Variants in FAM219A observed in about 807,000 individuals in gnomAD.
FAM219A encodes the protein family with sequence similarity 219 member A.
A neutral mutation model predicts 23.4 loss-of-function variants in FAM219A; 7 were observed. The observed-to-expected ratio is 0.30, with a 90% CI of 0.17 to 0.56. The LOEUF (loss-of-function observed/expected upper bound fraction) is 0.56, where lower values mean the gene tolerates loss of function less well. Among genes scored for constraint, FAM219A ranks in the 20% least tolerant of loss-of-function variants. FAM219A has a pLI of 0.92. For synonymous variants in FAM219A, 93 were observed against 99.0 expected (o/e 0.94, Z 0.36); for missense variants, 166 against 246.9 (o/e 0.67, Z 2.20).
intron 1 of FAM219A, among the ~76,000 whole-genome samples, chr9:34,423,954 G>A (rs561296784): frequency 3.9e-5 from 6 of 152,150 alleles, no homozygotes; most frequent in Admixed American, 6.5e-5. Flanking sequence ...AGTAAGGCTT[G>A]TGGTTTTGTT....
At chr9:34,401,245 G>A (rs906426410) in intron 5 of FAM219A, 123 bp from the exon 6 acceptor site, 1 of 1,233,610 alleles carries the variant, frequency 8.1e-7, no homozygotes, top group Admixed American at 2.1e-5. Context: ...GCCCCGCCCT[G>A]TCCCGGGTCT....
rs115479567 is a variant in FAM219A at position 34,413,409 on chromosome 9, G to A, written c.61-7445C>T. 5.5e-3 allele frequency among the ~76,000 whole-genome samples: 835 copies of A among 152,256 alleles called. 7 individuals carry two copies. Among genetic ancestry groups the A allele is most frequent in the African/African-American group, 0.019 (778 of 41,528 alleles). ...TGTCACCCAGCCATGATCCAGTCCC[G>A]AGGATGAAAGGCGCTCTCCGTGGTG... On this transcript the variant is annotated intron_variant, in intron 1 of 5. Transcript: ENST00000651358.
chr9:34,456,202 GA>G (rs1038126486), intron 1 of FAM219A, among the ~76,000 whole-genome samples: 3 of 151,614 alleles, frequency 2.0e-5, no homozygotes, highest in East Asian at 1.9e-4. Context: ...CAAAAAAAAA[GA>G]AAAAAAAGTA....
intron 1 of FAM219A, among the ~76,000 whole-genome samples, chr9:34,419,132 TTTATG>T (rs2131959080): frequency 6.6e-6 from 1 of 152,262 alleles, no homozygotes; most frequent in South Asian, 2.1e-4. Context: ...AATGGTAACT[TTTATG>T]TTATGCATAT....
intron 1 of FAM219A, among the ~76,000 whole-genome samples, chr9:34,447,472 C>T (rs1466830924): frequency 1.3e-5 from 2 of 152,148 alleles, no homozygotes; most frequent in African/African-American, 4.8e-5. Flanking sequence ...ACTAGGGCAG[C>T]TAGGATGACT....
chr9:34,420,115 CT>C (rs1440019461), intron 1 of FAM219A, among the ~76,000 whole-genome samples: 6 of 152,164 alleles, frequency 3.9e-5, no homozygotes, highest in Admixed American at 3.3e-4. Context: ...TTGTTCAGAA[CT>C]TTGATAATCA....
chr9:34,450,534 T>C (rs1588076531), intron 1 of FAM219A, among the ~76,000 whole-genome samples: 1 of 152,114 alleles, frequency 6.6e-6, no homozygotes, highest in East Asian at 1.9e-4. Flanking sequence ...ATTTTCTGCC[T>C]CAGCCTCCCG....
At chr9:34,449,261 G>A (rs1182895777) in intron 1 of FAM219A, among the ~76,000 whole-genome samples, 2 of 152,108 alleles carry the variant, frequency 1.3e-5, no homozygotes, top group Non-Finnish European at 2.9e-5. Context: ...ACCTGAGCTG[G>A]GGAAGGTCAA....
At chr9:34,449,657 C>G (rs1415780092) in intron 1 of FAM219A, among the ~76,000 whole-genome samples, 1 of 152,194 alleles carries the variant, frequency 6.6e-6, no homozygotes, top group Non-Finnish European at 1.5e-5. Flanking sequence ...AATTTCTAAG[C>G]TAAAGTTTTC....
At chr9:34,419,274 AC>A (rs1485834260) in intron 1 of FAM219A, among the ~76,000 whole-genome samples, 1 of 151,678 alleles carries the variant, frequency 6.6e-6, no homozygotes, top group Non-Finnish European at 1.5e-5. Flanking sequence ...GACAACACAG[AC>A]TTTTGGGGAT....
intron 1 of FAM219A, among the ~76,000 whole-genome samples, chr9:34,438,905 A>G (rs1823047366): frequency 6.6e-6 from 1 of 152,254 alleles, no homozygotes; most frequent in Non-Finnish European, 1.5e-5. Flanking sequence ...GCTCTTTGCA[A>G]TAAATCTTGC....
chr9:34,424,686 C>G (rs1472750635), intron 1 of FAM219A, among the ~76,000 whole-genome samples: 4 of 152,208 alleles, frequency 2.6e-5, no homozygotes, highest in Non-Finnish European at 5.9e-5. Context: ...ATCCAGAACA[C>G]AGAGAGGAGC....
At chr9:34,406,318 G>A in intron 1 of FAM219A, 2 of 985,384 alleles carry the variant, frequency 2.0e-6, no homozygotes, top group African/African-American at 1.7e-5. Context: ...GGCCCTTCCT[G>A]TGTACTTGCT....
Position 34,398,236 on chromosome 9 carries a change from A to G in FAM219A, c.*2728T>C. On this transcript the variant is annotated 3_prime_UTR_variant, in exon 6 of 6. Coordinates refer to ENST00000651358, the MANE Select transcript of FAM219A (RefSeq NM_001184940.2). ...TATTTGTGTTACACGATACACAACCAAGGATGATGGTCAATACTGCAATGA... is the reference window on the plus strand; with the variant it reads ...TATTTGTGTTACACGATACACAACCGAGGATGATGGTCAATACTGCAATGA... 1.9e-6 allele frequency: 3 copies of G among 1,541,928 alleles called. No individual in the cohort carries two copies. The highest frequency in any genetic ancestry group is 2.4e-5 in the East Asian group (1 of 40,862).
rs1321620442 is a variant in FAM219A, at chr9:34,398,320, A to G, written c.*2644T>C. 1.9e-6 allele frequency: 3 copies of G among 1,550,792 alleles called. No homozygotes were observed. Among genetic ancestry groups the G allele is most frequent in the Non-Finnish European group, 2.6e-6 (3 of 1,147,050 alleles). ...TCTTCCACACACCTTCCTGGAAATA[A>G]ATTAGTGAGCACGGAGAAACCTGGC... On this transcript the variant is annotated 3_prime_UTR_variant, in exon 6 of 6. Transcript: ENST00000651358.
chr9:34,449,006 A>G (rs376243476), intron 1 of FAM219A, among the ~76,000 whole-genome samples: 1 of 150,234 alleles, frequency 6.7e-6, no homozygotes, highest in Non-Finnish European at 1.5e-5. Flanking sequence ...AAAAAAAAAA[A>G]AACCTCAGCC....
rs141721801 is a variant in FAM219A at position 34,439,884 on chromosome 9, C to G, written c.60+18320G>C. Among the ~76,000 whole-genome samples, 298 of 152,292 alleles carry G rather than the reference C, an allele frequency of 2.0e-3. 1 individual carries two copies. Among genetic ancestry groups the G allele is most frequent in the South Asian group, 8.3e-3 (40 of 4,828 alleles). On this transcript the variant is annotated intron_variant, in intron 1 of 5. Transcript: ENST00000651358. ...GAAGCCGTTGAAGTGTAAGGGGCTACACGGGGCACTCCTGCTACTTGATGA... is the reference window on the plus strand; with the variant it reads ...GAAGCCGTTGAAGTGTAAGGGGCTAGACGGGGCACTCCTGCTACTTGATGA...
intron 1 of FAM219A, among the ~76,000 whole-genome samples, chr9:34,440,331 G>A (rs1823120002): frequency 6.6e-6 from 1 of 152,184 alleles, no homozygotes; most frequent in Admixed American, 6.5e-5. Context: ...CAGACCTAAG[G>A]GTGGGTACAG....
intron 1 of FAM219A, among the ~76,000 whole-genome samples, chr9:34,407,648 T>C (rs1222201944): frequency 2.0e-5 from 3 of 152,356 alleles, no homozygotes; most frequent in South Asian, 4.1e-4. Flanking sequence ...TGCTCCATTC[T>C]TGCAGGCCCA....
Sources: allele counts gnomAD v4.1 joint callset (sites outside exome capture counted in the v4.1 genomes callset), GRCh38; gene constraint gnomAD v4.1.1; transcripts MANE v1.5; gene names NCBI Gene and HGNC (gene_info 2026-07-23, HGNC 2026-07-21).